Variants in SLC24A3 observed in about 807,000 individuals in gnomAD.
SLC24A3 encodes sodium/potassium/calcium exchanger 3.
SLC24A3 carries 28 observed loss-of-function variants against 75.8 expected under a neutral mutation model. The ratio of observed to expected loss-of-function variants is 0.37; its 90% CI spans 0.27 to 0.51. SLC24A3 has a LOEUF of 0.51. Ranked by LOEUF, SLC24A3 falls within the 20% of genes least tolerant of loss-of-function variation. The pLI, the probability that SLC24A3 is intolerant of heterozygous loss-of-function variation, is 0.94. For missense variants in SLC24A3, 663 were observed against 847.8 expected, an observed-to-expected ratio of 0.78 and a Z score of 2.71; for synonymous variants, 372 against 334.1, an observed-to-expected ratio of 1.11 and a Z score of -1.24.
chr20:19,623,464 G>A (rs1009734316), intron 6 of SLC24A3, among the ~76,000 whole-genome samples: 7 of 152,176 alleles, frequency 4.6e-5, no homozygotes, highest in African/African-American at 1.7e-4. Flanking sequence ...TTTTATATTA[G>A]TAATGTCTAT....
rs1035205666 is a variant in SLC24A3 at position 19,454,990 on chromosome 20, G to A, written c.272-60498G>A. On this transcript the variant is annotated intron_variant, in intron 2 of 16. Transcript: ENST00000328041. ...AGTGTCACTCTCAGAACTCCTTCCCGCTCCCTTCCCTCCCTGTCTCTTGTT... is the reference window on the plus strand; with the variant it reads ...AGTGTCACTCTCAGAACTCCTTCCCACTCCCTTCCCTCCCTGTCTCTTGTT... Among the ~76,000 whole-genome samples, 8 of 152,192 alleles carry A rather than the reference G, an allele frequency of 5.3e-5. 1 individual carries two copies. The highest frequency in any genetic ancestry group is 2.1e-4 in the South Asian group (1 of 4,806).
intron 2 of SLC24A3, among the ~76,000 whole-genome samples, chr20:19,501,531 G>A (rs1988384740): frequency 6.6e-6 from 1 of 152,156 alleles, no homozygotes. Context: ...AAACATCTAA[G>A]AGATCCCACA....
chr20:19,352,669 C>T (rs1985597727), intron 2 of SLC24A3, among the ~76,000 whole-genome samples: 1 of 152,212 alleles, frequency 6.6e-6, no homozygotes, highest in African/African-American at 2.4e-5. Flanking sequence ...CCCAAGTCCG[C>T]ATTGAACCTT....
At chr20:19,512,249 A>T (rs1008308305) in intron 2 of SLC24A3, among the ~76,000 whole-genome samples, 1 of 152,128 alleles carries the variant, frequency 6.6e-6, no homozygotes, top group African/African-American at 2.4e-5. Context: ...CCCTGAAGGG[A>T]GGAAAGGGAG....
intron 15 of SLC24A3, among the ~76,000 whole-genome samples, chr20:19,710,855 G>T (rs895134330): frequency 4.6e-5 from 7 of 152,222 alleles, no homozygotes; most frequent in African/African-American, 1.7e-4. Context: ...GAACACTTAA[G>T]ATCTGTGCAT....
chr20:19,686,244 C>T (rs571841670), intron 12 of SLC24A3, among the ~76,000 whole-genome samples: 4 of 152,238 alleles, frequency 2.6e-5, no homozygotes, highest in South Asian at 2.1e-4. Flanking sequence ...TGCACCTAGC[C>T]GGGAGAGCTG....
chr20:19,242,661 C>G (rs1238455371), intron 1 of SLC24A3: 1 of 152,084 alleles, frequency 6.6e-6, no homozygotes, highest in African/African-American at 2.4e-5. Context: ...TTCTTTAACT[C>G]ATTATGAATG....
In SLC24A3 at chr20:19,413,028, T is replaced by C. The variant is rs74498270; in HGVS notation, c.272-102460T>C. 2.7e-3 allele frequency among the ~76,000 whole-genome samples: 411 copies of C among 152,320 alleles called. 2 individuals carry two copies. Among genetic ancestry groups the C allele is most frequent in the South Asian group, 0.025 (123 of 4,826 alleles). ...TAATGCGTCATCTTGGCATGAATGC[T>C]CTAATTGGAGATTTCTGATGCTCAA... On this transcript the variant is annotated intron_variant, in intron 2 of 16. Transcript: ENST00000328041.
chr20:19,499,674 A>T (rs1988354710), intron 2 of SLC24A3, among the ~76,000 whole-genome samples: 4 of 152,110 alleles, frequency 2.6e-5, no homozygotes. Flanking sequence ...CGCACTGGGG[A>T]TTAGGATTTC....
At chr20:19,639,163 T>TC (rs1397100566) in intron 6 of SLC24A3, among the ~76,000 whole-genome samples, 10 of 152,000 alleles carry the variant, frequency 6.6e-5, no homozygotes, top group Non-Finnish European at 4.4e-5. Context: ...GTTCTCCACC[T>TC]CCCCACTAGA....
chr20:19,329,715 A>G (rs555883862), intron 2 of SLC24A3, among the ~76,000 whole-genome samples: 5 of 152,360 alleles, frequency 3.3e-5, no homozygotes, highest in African/African-American at 1.2e-4. Context: ...CTTCTGCCCC[A>G]GAAATATTTT....
chr20:19,550,503 T>C (rs535435108), intron 3 of SLC24A3, among the ~76,000 whole-genome samples: 4 of 152,334 alleles, frequency 2.6e-5, no homozygotes, highest in South Asian at 2.1e-4. Context: ...TCTTGACTTA[T>C]GTGTAGCAAC....
chr20:19,379,848 G>A (rs1986151808), intron 2 of SLC24A3, among the ~76,000 whole-genome samples: 2 of 152,158 alleles, frequency 1.3e-5, no homozygotes, highest in African/African-American at 4.8e-5. Flanking sequence ...TTCATCAAAT[G>A]TAAAGTATTT....
At chr20:19,481,718 G>C (rs1452365680) in intron 2 of SLC24A3, among the ~76,000 whole-genome samples, 1 of 152,144 alleles carries the variant, frequency 6.6e-6, no homozygotes, top group African/African-American at 2.4e-5. Context: ...ATGAAAGCCA[G>C]ATCAGCATTT....
At chr20:19,319,520 C>T (rs1490962699) in intron 2 of SLC24A3, among the ~76,000 whole-genome samples, 1 of 152,218 alleles carries the variant, frequency 6.6e-6, no homozygotes, top group Non-Finnish European at 1.5e-5. Context: ...ACTGATACTT[C>T]TGCGGGTGTG....
chr20:19,540,785 A>T (rs1403059227), intron 3 of SLC24A3, among the ~76,000 whole-genome samples: 1 of 152,238 alleles, frequency 6.6e-6, no homozygotes, highest in African/African-American at 2.4e-5. Context: ...CGAGAGGAAA[A>T]AACCAAAACA....
intron 4 of SLC24A3, among the ~76,000 whole-genome samples, chr20:19,582,268 T>G (rs1029882548): frequency 1.3e-5 from 2 of 152,232 alleles, no homozygotes; most frequent in Non-Finnish European, 2.9e-5. Context: ...TGTGCTTTCC[T>G]TAATCACCTT....
chr20:19,283,250 C>A (rs116498238), intron 2 of SLC24A3: 4,418 of 152,726 alleles, frequency 0.029, 74 homozygotes, highest in African/African-American at 0.037. Context: ...AATCCTAACA[C>A]ATCAAGGGCT....
chr20:19,480,714 C>T (rs982306542), intron 2 of SLC24A3, among the ~76,000 whole-genome samples: 12 of 149,778 alleles, frequency 8.0e-5, no homozygotes, highest in Admixed American at 6.7e-5. Context: ...GCTGATCTTG[C>T]AGAAAGGGGG....
Sources: allele counts gnomAD v4.1 joint callset (sites outside exome capture counted in the v4.1 genomes callset), GRCh38; gene constraint gnomAD v4.1.1; transcripts MANE v1.5; gene names NCBI Gene and HGNC (gene_info 2026-07-23, HGNC 2026-07-21).